Variants in SPRING1 observed in about 807,000 individuals in gnomAD.
The protein encoded by SPRING1 is SREBF pathway regulator in golgi 1, also known as SREBP regulating gene protein.
A neutral mutation model predicts 24.7 loss-of-function variants in SPRING1; 14 were observed. The observed-to-expected ratio is 0.57, with a 90% CI of 0.37 to 0.88. SPRING1 has a LOEUF of 0.88. SPRING1 is among the 40% of genes least tolerant of loss of function. SPRING1 has a pLI of 0.00. For synonymous variants in SPRING1, 93 were observed against 106.1 expected (o/e 0.88, Z 0.76); for missense variants, 255 against 268.4 (o/e 0.95, Z 0.35).
Position 116,716,623 on chromosome 12 carries a change from C to T in SPRING1, c.*1187G>A, listed in dbSNP as rs754550951. Reference sequence around the variant, plus strand: ...GGGGAGTGCTTTATGCCTGTGGATTCAGGACACACCAGCAACCTACACGTG... The same window carrying T: ...GGGGAGTGCTTTATGCCTGTGGATTTAGGACACACCAGCAACCTACACGTG... On this transcript the variant is annotated 3_prime_UTR_variant, in exon 5 of 5. Transcript: ENST00000261318. 1 of 152,504 alleles carries T rather than the reference C, an allele frequency of 6.6e-6. No homozygotes were observed. Among genetic ancestry groups the T allele is most frequent in the South Asian group, 2.1e-4 (1 of 4,834 alleles). 9.4% of individuals were successfully genotyped at this position (152,504 alleles called of 1,614,324 possible).
At chr12:116,737,695 A>T in intron 1 of SPRING1, 95 bp downstream of exon 1, 3 of 1,310,150 alleles carry the variant, frequency 2.3e-6, no homozygotes, top group East Asian at 6.4e-5. Context: ...GAAGGAAAAA[A>T]GGAGGAAGGT....
rs1209924416 is a variant in SPRING1, at chr12:116,714,012, A to C, written c.*3798T>G. 1.3e-5 allele frequency: 2 copies of C among 151,606 alleles called. No individual in the cohort carries two copies. Among genetic ancestry groups the C allele is most frequent in the South Asian group, 2.1e-4 (1 of 4,788 alleles). The allele number at this position is 151,606 out of a possible 1,614,324, so 9.4% of individuals were successfully genotyped here. A position where few individuals can be genotyped will look rare whatever the true frequency, so the allele number is the denominator to read the frequency against. ...CAACCTCAGGAGCCCACCCACCCCT[A>C]TCCGAGCCGACCCCTGACTGCCCCT... On this transcript the variant is annotated 3_prime_UTR_variant, in exon 5 of 5. Transcript: ENST00000261318.
At position 116,738,028 on chromosome 12, in the gene SPRING1, C is replaced by A; in HGVS notation, c.-128G>T. 1 of 1,102,922 alleles carries A rather than the reference C, an allele frequency of 9.1e-7. No homozygotes were observed. The highest frequency in any genetic ancestry group is 1.1e-6 in the Non-Finnish European group (1 of 905,490). The allele number at this position is 1,102,922 out of a possible 1,614,324, so 68.3% of individuals were successfully genotyped here. A position where few individuals can be genotyped will look rare whatever the true frequency, so the allele number is the denominator to read the frequency against. ...CAGGCGCCGGCCCCGCCGCCCGCAG[C>A]CCAGTCTGCTCCCGGCAGCCTTGGG... is the stretch of plus-strand genomic sequence containing the variant. On this transcript the variant is annotated 5_prime_UTR_variant, in exon 1 of 5. Coordinates refer to ENST00000261318, the MANE Select transcript of SPRING1 (RefSeq NM_024738.4).
chr12:116,726,069 C>T (rs1339832214), intron 1 of SPRING1, among the ~76,000 whole-genome samples: 3 of 152,162 alleles, frequency 2.0e-5, no homozygotes, highest in African/African-American at 7.2e-5. Flanking sequence ...GGATGTTTTG[C>T]ATTCAGCTCT....
chr12:116,717,738 A>C lies in SPRING1; in HGVS notation c.*72T>G, dbSNP rs1870214533. ...TTCCTGCAGCCTGGCCCGATGGCTGAAGCTGGGTCCCAGGAGGCGAGTTCT... is the reference window on the plus strand; with the variant it reads ...TTCCTGCAGCCTGGCCCGATGGCTGCAGCTGGGTCCCAGGAGGCGAGTTCT... On this transcript the variant is annotated 3_prime_UTR_variant, in exon 5 of 5. Transcript: ENST00000261318. The surrounding 1 kb of genome is among the most constrained non-coding windows in gnomAD (Gnocchi z 4.2). 1 of 1,351,638 alleles carries C rather than the reference A, an allele frequency of 7.4e-7. No homozygotes were observed. The highest frequency in any genetic ancestry group is 2.1e-5 in the Admixed American group (1 of 47,782). 83.7% of individuals were successfully genotyped at this position (1,351,638 alleles called of 1,614,324 possible). A position where few individuals can be genotyped will look rare whatever the true frequency, so the allele number is the denominator to read the frequency against.
At chr12:116,729,418 GT>G (rs1329849504) in intron 1 of SPRING1, among the ~76,000 whole-genome samples, 1 of 152,252 alleles carries the variant, frequency 6.6e-6, no homozygotes, top group African/African-American at 2.4e-5. Context: ...CAGTTGTGCA[GT>G]TCCTCAAAAA....
intron 1 of SPRING1, among the ~76,000 whole-genome samples, chr12:116,731,331 C>A (rs113857418): frequency 0.013 from 1,991 of 152,286 alleles, 43 homozygotes; most frequent in African/African-American, 0.044. Flanking sequence ...GTGAAAAAAG[C>A]AAATAACATT....
At position 116,711,823 on chromosome 12, in the gene SPRING1, T is replaced by C; in HGVS notation, c.*5987A>G. The C allele has an allele frequency of 6.5e-6, 1 of 152,744 alleles. No individual in the cohort carries two copies. Among genetic ancestry groups the C allele is most frequent in the Non-Finnish European group, 1.5e-5 (1 of 68,494 alleles). The allele number at this position is 152,744 out of a possible 1,614,324, so 9.5% of individuals were successfully genotyped here. A position where few individuals can be genotyped will look rare whatever the true frequency, so the allele number is the denominator to read the frequency against. Reference sequence around the variant, plus strand: ...TAGAGACAGGGTCTCCCTATGTTGCTCAGGCTGGTCTCGAATTCTGGGCTC... The same window carrying C: ...TAGAGACAGGGTCTCCCTATGTTGCCCAGGCTGGTCTCGAATTCTGGGCTC... On this transcript the variant is annotated 3_prime_UTR_variant, in exon 5 of 5. Coordinates refer to ENST00000261318, the MANE Select transcript of SPRING1 (RefSeq NM_024738.4).
chr12:116,730,559 G>A (rs1255101757), intron 1 of SPRING1, among the ~76,000 whole-genome samples: 1 of 152,188 alleles, frequency 6.6e-6, no homozygotes, highest in Non-Finnish European at 1.5e-5. Context: ...TGTATGATAT[G>A]TGAATTATAT....
At position 116,723,183 on chromosome 12, in the gene SPRING1, T is replaced by C. The variant is rs1430583675; in HGVS notation, c.152A>G (p.His51Arg). Reference sequence around the variant, plus strand: ...CCACGGGATGGGCTGATTATGGTCATGAACCTGGAGGAGATTCCTATCTCT... The same window carrying C: ...CCACGGGATGGGCTGATTATGGTCACGAACCTGGAGGAGATTCCTATCTCT... ...AVRDRNLLQVHDHNQPIPWKV... is the reference protein window; with the variant it reads ...AVRDRNLLQVRDHNQPIPWKV... Residue 51 changes from histidine (H) to arginine (R), a missense_variant, in exon 2 of 5, where the codon CAT (histidine) becomes CGT (arginine). Transcript: ENST00000261318. The C allele has an allele frequency of 1.1e-5, 18 of 1,613,990 alleles. No individual in the cohort carries two copies. The highest frequency in any genetic ancestry group is 1.3e-5 in the African/African-American group (1 of 74,944).
At chr12:116,725,829 T>G (rs956301084) in intron 1 of SPRING1, among the ~76,000 whole-genome samples, 10 of 151,192 alleles carry the variant, frequency 6.6e-5, no homozygotes, top group African/African-American at 9.7e-5. Context: ...GAGCTTGCAG[T>G]GAGCCAAGAT....
At chr12:116,729,722 A>G (rs1209243360) in intron 1 of SPRING1, among the ~76,000 whole-genome samples, 1 of 152,238 alleles carries the variant, frequency 6.6e-6, no homozygotes, top group Admixed American at 6.5e-5. Flanking sequence ...ATCAAAAAAG[A>G]CCACATATTA....
chr12:116,720,464 A>G lies in SPRING1; in HGVS notation c.269-17T>C. 2 of 1,612,696 alleles carry G rather than the reference A, an allele frequency of 1.2e-6. No individual in the cohort carries two copies. The highest frequency in any genetic ancestry group is 1.7e-6 in the Non-Finnish European group (2 of 1,179,388). ...AAACGTAGCCTGAAAGTCAGAGACC[A>G]ACCTTAGCATAAAACCAGCAGCCTT... On this transcript the variant is annotated splice_polypyrimidine_tract_variant and intron_variant, in intron 2 of 4. Transcript: ENST00000261318. This position sits in a 1 kb window ranked among gnomAD's most constrained non-coding sequence, Gnocchi z 4.0.
chr12:116,725,532 C>A (rs1029402278), intron 1 of SPRING1, among the ~76,000 whole-genome samples: 6 of 152,074 alleles, frequency 3.9e-5, no homozygotes, highest in Non-Finnish European at 5.9e-5. Flanking sequence ...ACATTAAAAA[C>A]AGGATTATTA....
intron 1 of SPRING1, 125 bp downstream of exon 1, chr12:116,737,665 A>C: frequency 9.5e-7 from 1 of 1,051,356 alleles, no homozygotes; most frequent in Non-Finnish European, 1.3e-6. Flanking sequence ...AAGGAAGGGA[A>C]GGGGTAGGAA....
At position 116,714,859 on chromosome 12, in the gene SPRING1, C is replaced by T. The variant is rs1180538168; in HGVS notation, c.*2951G>A. On this transcript the variant is annotated 3_prime_UTR_variant, in exon 5 of 5. Coordinates refer to ENST00000261318, the MANE Select transcript of SPRING1 (RefSeq NM_024738.4). ...ATCCCAGGCCCTGTGGAAGGTATTT[C>T]CCTCCCTCTTTTGTCCTTGCTTGTC... 3 of 149,944 alleles carry T rather than the reference C, an allele frequency of 2.0e-5. No homozygotes were observed. The highest frequency in any genetic ancestry group is 7.4e-5 in the African/African-American group (3 of 40,572). 9.3% of individuals were successfully genotyped at this position (149,944 alleles called of 1,614,324 possible). A position where few individuals can be genotyped will look rare whatever the true frequency, so the allele number is the denominator to read the frequency against.
rs1189862509 is a variant in SPRING1 at position 116,716,163 on chromosome 12, C to T, written c.*1647G>A. 2.6e-5 allele frequency: 4 copies of T among 152,232 alleles called. No individual in the cohort carries two copies. Among genetic ancestry groups the T allele is most frequent in the Admixed American group, 1.3e-4 (2 of 15,292 alleles). 9.4% of individuals were successfully genotyped at this position (152,232 alleles called of 1,614,324 possible). On this transcript the variant is annotated 3_prime_UTR_variant, in exon 5 of 5. Transcript: ENST00000261318. ...TGGAATCCGAGAAGTCCAATGCAAA[C>T]GGAATAGATTTCTTGGGATCTAATA...
At chr12:116,734,408 T>TA (rs1871133855) in intron 1 of SPRING1, among the ~76,000 whole-genome samples, 1 of 152,072 alleles carries the variant, frequency 6.6e-6, no homozygotes, top group Non-Finnish European at 1.5e-5. Flanking sequence ...ACTATAATCT[T>TA]AAAATGAAGA....
chr12:116,719,705 A>G lies in SPRING1; in HGVS notation c.534+58T>C, dbSNP rs1236614474. On this transcript the variant is annotated intron_variant, in intron 4 of 4. Coordinates refer to ENST00000261318, the MANE Select transcript of SPRING1 (RefSeq NM_024738.4). ...AAAGGATCGACAGTGTGTATTTTCT[A>G]GTTTCCTTCTAACCCGTCAGCTGCC... 4.2e-6 allele frequency: 6 copies of G among 1,412,490 alleles called. No homozygotes were observed. The African/African-American group carries it at 8.5e-5, about 20-fold the overall frequency. The allele number at this position is 1,412,490 out of a possible 1,614,324, so 87.5% of individuals were successfully genotyped here.
Sources: gnomAD v4.1 joint callset for allele counts (sites outside exome capture counted in the v4.1 genomes callset) on GRCh38, gnomAD v4.1.1 for gene constraint, Gnocchi (gnomAD v3.1) non-coding constraint, MANE v1.5 for transcripts, NCBI Gene and HGNC (gene_info 2026-07-23, HGNC 2026-07-21) for gene names.